Variants in DGKB observed in about 807,000 individuals in gnomAD.
DGKB encodes the protein 90 kDa diacylglycerol kinase.
In DGKB, 67 loss-of-function variants were observed where a neutral mutation model predicts 114.3. The ratio of observed to expected loss-of-function variants is 0.59; its 90% CI spans 0.48 to 0.72. DGKB has a LOEUF of 0.72. Among genes scored for constraint, DGKB ranks in the 30% least tolerant of loss-of-function variants. DGKB has a pLI of 0.00. For synonymous variants in DGKB, 398 were observed against 323.1 expected (o/e 1.23, Z -2.49); for missense variants, 907 against 975.2 (o/e 0.93, Z 0.93).
chr7:14,539,976 A>G (rs1307216245), intron 20 of DGKB, among the ~76,000 whole-genome samples: 1 of 152,084 alleles, frequency 6.6e-6, no homozygotes, highest in Non-Finnish European at 1.5e-5. Context: ...GATATGCAGA[A>G]AAACATCATT....
At chr7:14,206,258 T>C (rs1562612749) in intron 23 of DGKB, among the ~76,000 whole-genome samples, 1 of 152,052 alleles carries the variant, frequency 6.6e-6, no homozygotes, top group East Asian at 1.9e-4. Flanking sequence ...TCCAAGGTGA[T>C]AGATAGTTTG....
chr7:14,968,790 T>C (rs1465880892), intron 1 of DGKB, among the ~76,000 whole-genome samples: 2 of 152,336 alleles, frequency 1.3e-5, no homozygotes, highest in Non-Finnish European at 1.5e-5. Flanking sequence ...GCATTCTTTA[T>C]TTGAGCATAT....
intron 1 of DGKB, among the ~76,000 whole-genome samples, chr7:14,929,165 G>C (rs557933880): frequency 1.3e-5 from 2 of 151,838 alleles, no homozygotes; most frequent in East Asian, 3.9e-4. Context: ...CCATAGCTTT[G>C]CTCTTGTGAA....
chr7:14,487,766 C>T (rs1380515481), intron 20 of DGKB, among the ~76,000 whole-genome samples: 3 of 150,284 alleles, frequency 2.0e-5, no homozygotes, highest in South Asian at 2.1e-4. Context: ...TCATGCCTGA[C>T]TAACTTTTTT....
intron 23 of DGKB, among the ~76,000 whole-genome samples, chr7:14,215,114 G>C (rs1357687665): frequency 3.3e-5 from 5 of 152,176 alleles, no homozygotes; most frequent in Non-Finnish European, 7.3e-5. Flanking sequence ...TATGACCGGA[G>C]GCAGCAGTTG....
chr7:14,467,479 T>C (rs1398546126), intron 21 of DGKB, among the ~76,000 whole-genome samples: 2 of 151,690 alleles, frequency 1.3e-5, no homozygotes, highest in African/African-American at 2.4e-5. Context: ...ATTATATATA[T>C]ACTTATATAA....
chr7:14,594,002 A>G (rs2128750096), intron 17 of DGKB, among the ~76,000 whole-genome samples: 1 of 152,210 alleles, frequency 6.6e-6, no homozygotes, highest in African/African-American at 2.4e-5. Context: ...CTGCTTATAA[A>G]GCCAAACTCC....
intron 1 of DGKB, among the ~76,000 whole-genome samples, chr7:14,858,489 G>C (rs1409502356): frequency 6.6e-6 from 1 of 152,166 alleles, no homozygotes; most frequent in African/African-American, 2.4e-5. Context: ...TTTTGTGAAA[G>C]GGTACAGTAA....
chr7:14,906,161 C>T (rs769604804), upstream of DGKB, among the ~76,000 whole-genome samples: 6 of 151,950 alleles, frequency 3.9e-5, no homozygotes, highest in South Asian at 2.1e-4. Flanking sequence ...TCTCTCTACT[C>T]CCCTTTTGAC....
chr7:14,554,440 T>A (rs910903031), intron 20 of DGKB, among the ~76,000 whole-genome samples: 1 of 152,206 alleles, frequency 6.6e-6, no homozygotes, highest in Non-Finnish European at 1.5e-5. Flanking sequence ...ATTGATAAAT[T>A]TTTAGGTTTC....
At chr7:14,392,129 T>G (rs974313489) in intron 21 of DGKB, among the ~76,000 whole-genome samples, 14 of 152,298 alleles carry the variant, frequency 9.2e-5, no homozygotes, top group African/African-American at 3.4e-4. Flanking sequence ...CTCTTACTTG[T>G]CAGGAAACAT....
chr7:14,593,492 T>C (rs1420499919), intron 17 of DGKB, among the ~76,000 whole-genome samples: 3 of 152,022 alleles, frequency 2.0e-5, no homozygotes, highest in Non-Finnish European at 1.5e-5. Flanking sequence ...TCTGAGTGAA[T>C]AGAAACACTA....
At chr7:14,542,125 C>A (rs1406120530) in intron 20 of DGKB, among the ~76,000 whole-genome samples, 1 of 152,124 alleles carries the variant, frequency 6.6e-6, no homozygotes. Context: ...AATGGTTCCT[C>A]ATGGGCCATT....
chr7:14,198,743 C>A lies in DGKB; in HGVS notation c.2123-20592G>T, dbSNP rs754918562. 2.0e-5 allele frequency among the ~76,000 whole-genome samples: 3 copies of A among 151,746 alleles called. No individual in the cohort carries two copies. The South Asian group carries it at 6.2e-4, about 32-fold the overall frequency. ...AGCAAGAGTACTGGCCACAGTGTAT[C>A]CTAGATATTGTAAGAAAATAGGGTC... On this transcript the variant is annotated intron_variant, in intron 23 of 25. Transcript: ENST00000402815.
intron 2 of DGKB, among the ~76,000 whole-genome samples, chr7:14,777,596 G>A (rs1327242814): frequency 6.6e-6 from 1 of 152,184 alleles, no homozygotes; most frequent in Non-Finnish European, 1.5e-5. Flanking sequence ...GTGAAGAAGG[G>A]CATGTTTGCT....
intron 6 of DGKB, among the ~76,000 whole-genome samples, chr7:14,706,284 C>T (rs1275754763): frequency 1.4e-5 from 2 of 145,818 alleles, no homozygotes; most frequent in African/African-American, 5.2e-5. Context: ...AATATACATG[C>T]ACCCAATACA....
intron 2 of DGKB, among the ~76,000 whole-genome samples, chr7:14,783,519 T>G: frequency 6.6e-6 from 1 of 152,356 alleles, no homozygotes; most frequent in East Asian, 1.9e-4. Flanking sequence ...CATTTCATCC[T>G]GCTTTCGCTG....
intron 20 of DGKB, among the ~76,000 whole-genome samples, chr7:14,519,220 A>AT (rs570552358): frequency 1.3e-5 from 2 of 151,674 alleles, no homozygotes; most frequent in Non-Finnish European, 1.5e-5. Flanking sequence ...CAGAGCTACA[A>AT]TTTTTTTTCC....
rs184468249 is a variant in DGKB at position 14,222,761 on chromosome 7, T to A, written c.2123-44610A>T. Among the ~76,000 whole-genome samples the A allele has an allele frequency of 2.1e-3, 312 of 151,686 alleles. 1 individual carries two copies. The highest frequency in any genetic ancestry group is 7.2e-3 in the African/African-American group (301 of 41,522). ...CCACTTTGAAAGTGGGATATAGAAG[T>A]CTCCAGTTATTACTGAATTGTCTAT... On this transcript the variant is annotated intron_variant, in intron 23 of 25. Coordinates refer to ENST00000402815, the MANE Select transcript of DGKB (RefSeq NM_001350709.2).
Sources: gnomAD v4.1 joint callset for allele counts (sites outside exome capture counted in the v4.1 genomes callset) on GRCh38, gnomAD v4.1.1 for gene constraint, MANE v1.5 for transcripts, NCBI Gene and HGNC (gene_info 2026-07-23, HGNC 2026-07-21) for gene names.